Variants in ERG observed in about 807,000 individuals in gnomAD.
ERG encodes the protein ETS transcription factor ERG.
ERG carries 9 observed loss-of-function variants against 55.3 expected under a neutral mutation model. The ratio of observed to expected loss-of-function variants is 0.16; its 90% CI spans 0.10 to 0.28. The LOEUF (loss-of-function observed/expected upper bound fraction) is 0.28. Among genes scored for constraint, ERG ranks in the 10% least tolerant of loss-of-function variants. The probability of loss-of-function intolerance (pLI) is 1.00; values close to 1 mark genes in which losing one functional copy is unlikely to be tolerated. For missense variants in ERG, 434 were observed against 631.6 expected (o/e 0.69, Z 3.35); for synonymous variants, 223 against 237.3 (o/e 0.94, Z 0.55).
rs553102215 is a variant in ERG at position 38,458,877 on chromosome 21, G to C, written c.19-13256C>G. ...ACACTGTCCTGCCACGATTAGGAGT[G>C]AGCTTTTTGGGGTTCCCTCAAACAT... On this transcript the variant is annotated intron_variant, in intron 1 of 9. Transcript: ENST00000288319. 2.6e-5 allele frequency among the ~76,000 whole-genome samples: 4 copies of C among 152,290 alleles called. No homozygotes were observed. In the South Asian group the frequency reaches 6.2e-4, roughly 24 times the overall value.
At chr21:38,368,550 T>G in the ERG span, among the ~76,000 whole-genome samples, 1 of 152,180 alleles carries the variant, frequency 6.6e-6, no homozygotes, top group East Asian at 1.9e-4. Context: ...ACTCCAACAC[T>G]GGGGATTACA....
At chr21:38,389,978 TTAA>T (rs1478092833) in intron 9 of ERG, among the ~76,000 whole-genome samples, 12 of 152,246 alleles carry the variant, frequency 7.9e-5, no homozygotes, top group Non-Finnish European at 1.5e-4. Flanking sequence ...TGATTAAATC[TTAA>T]TTATTCCATT....
At chr21:38,608,928 T>C (rs1024567254) in intron 1 of ERG, among the ~76,000 whole-genome samples, 3 of 152,186 alleles carry the variant, frequency 2.0e-5, no homozygotes, top group African/African-American at 7.2e-5. Flanking sequence ...ACAGGATGTT[T>C]TGAAATACTC....
intron 2 of ERG, among the ~76,000 whole-genome samples, chr21:38,572,284 C>T (rs1235459099): frequency 2.0e-5 from 3 of 146,518 alleles, no homozygotes; most frequent in Admixed American, 6.9e-5. Context: ...AGGAGAATGG[C>T]GGGAACCCAG....
At chr21:38,588,975 CCT>C (rs946096317), upstream of ERG, among the ~76,000 whole-genome samples, 1 of 152,134 alleles carries the variant, frequency 6.6e-6, no homozygotes, top group African/African-American at 2.4e-5. Context: ...AAGCAATCCT[CCT>C]CTCTCAGCCT....
At chr21:38,475,272 T>C (rs1328327049) in intron 1 of ERG, among the ~76,000 whole-genome samples, 1 of 152,146 alleles carries the variant, frequency 6.6e-6, no homozygotes, top group African/African-American at 2.4e-5. Context: ...GGAAGCTAAA[T>C]AATTTCAGTT....
At position 38,460,112 on chromosome 21, in the gene ERG, A is replaced by G. The variant is rs1052067781; in HGVS notation, c.19-14491T>C. Among the ~76,000 whole-genome samples the G allele has an allele frequency of 3.3e-5, 5 of 152,184 alleles. No homozygotes were observed. Among genetic ancestry groups the G allele is most frequent in the African/African-American group, 1.2e-4 (5 of 41,438 alleles). ...TGTGAGCCCCCATGCATTCATGAAG[A>G]ATAGGCCTTCCAGCCTTGGCAACAG... On this transcript the variant is annotated intron_variant, in intron 1 of 9. Transcript: ENST00000288319. This position sits in a 1 kb window ranked among gnomAD's most constrained non-coding sequence, Gnocchi z 5.0.
rs575418939 is a variant in ERG, at chr21:38,429,393, A to C, written c.237-5832T>G. Among the ~76,000 whole-genome samples the C allele has an allele frequency of 1.6e-4, 5 of 31,324 alleles. 1 individual carries two copies. Among genetic ancestry groups the C allele is most frequent in the Non-Finnish European group, 6.4e-4 (5 of 7,830 alleles). 20.5% of individuals were successfully genotyped at this position (31,324 alleles called of 152,430 possible). On this transcript the variant is annotated intron_variant, in intron 2 of 9. Transcript: ENST00000288319. ...TACACATATACATATATATGTACAC[A>C]TATACACATGTACATACGCACATAT... is the stretch of plus-strand genomic sequence containing the variant.
chr21:38,641,729 TGA>T (rs1491554407), intron 1 of ERG, among the ~76,000 whole-genome samples: 1 of 144,586 alleles, frequency 6.9e-6, no homozygotes, highest in African/African-American at 2.5e-5. Flanking sequence ...AAAATTAGTG[TGA>T]AAAAAAAAAC....
intron 3 of ERG, among the ~76,000 whole-genome samples, chr21:38,419,151 T>G (rs542711346): frequency 1.1e-3 from 167 of 152,128 alleles, no homozygotes; most frequent in African/African-American, 3.6e-3. Flanking sequence ...TTACAGATAC[T>G]CGCACCAAAT....
At chr21:38,560,452 C>T (rs2059886073) in intron 2 of ERG, among the ~76,000 whole-genome samples, 1 of 152,128 alleles carries the variant, frequency 6.6e-6, no homozygotes, top group Non-Finnish European at 1.5e-5. Context: ...CAACCCGGGG[C>T]CCCTCCAAAG....
intron 3 of ERG, among the ~76,000 whole-genome samples, chr21:38,408,249 G>A (rs1406170731): frequency 6.6e-6 from 1 of 152,144 alleles, no homozygotes; most frequent in Non-Finnish European, 1.5e-5. Flanking sequence ...GTTTGCAGGG[G>A]AAAAACCCAG....
rs144130741 is a variant in ERG at position 38,613,572 on chromosome 21, C to T, written c.-149-28627G>A. Among the ~76,000 whole-genome samples, 156 of 152,336 alleles carry T rather than the reference C, an allele frequency of 1.0e-3. 4 individuals carry two copies. The East Asian group carries it at 0.024, about 23-fold the overall frequency. ...GACATCAGCAAATGACAGCAGGTAA[C>T]GCCTGCAGACTGGTGCTCGCCGCTC... On this transcript the variant is annotated intron_variant, in intron 1 of 10. Coordinates refer to the ERG transcript ENST00000398910.
chr21:38,655,362 T>C lies in ERG; in HGVS notation c.-150+6296A>G, dbSNP rs556459051. On this transcript the variant is annotated intron_variant, in intron 1 of 10. Transcript: ENST00000398910. Reference sequence around the variant, plus strand: ...GAGGTGGGTCCAGGGAGGTATCCCGTGTTTCTGAAATTCCTGCTTTGCCTG... The same window carrying C: ...GAGGTGGGTCCAGGGAGGTATCCCGCGTTTCTGAAATTCCTGCTTTGCCTG... Among the ~76,000 whole-genome samples, 114 of 152,254 alleles carry C rather than the reference T, an allele frequency of 7.5e-4. 1 individual carries two copies. Among genetic ancestry groups the C allele is most frequent in the Middle Eastern group, 3.4e-3 (1 of 294 alleles).
chr21:38,474,048 T>C (rs2059164935), intron 1 of ERG: 1 of 152,088 alleles, frequency 6.6e-6, no homozygotes, highest in Non-Finnish European at 1.5e-5. Flanking sequence ...TTAAGGAGCG[T>C]TTACTTCCCA....
At chr21:38,432,036 G>C (rs181949427) in intron 2 of ERG, among the ~76,000 whole-genome samples, 89 of 152,288 alleles carry the variant, frequency 5.8e-4, no homozygotes, top group African/African-American at 2.1e-3. Context: ...AAAACCTTGA[G>C]AGATGCAGTG....
the ERG span, among the ~76,000 whole-genome samples, chr21:38,368,494 T>G: frequency 6.6e-6 from 1 of 152,170 alleles, no homozygotes; most frequent in African/African-American, 2.4e-5. Flanking sequence ...ATGAAAAAAT[T>G]TCTTTTTTCT....
chr21:38,504,783 T>C (rs959539628), intron 2 of ERG, among the ~76,000 whole-genome samples: 1 of 152,242 alleles, frequency 6.6e-6, no homozygotes, highest in Non-Finnish European at 1.5e-5. Context: ...TGAGAATTTA[T>C]CCCAGGTTGT....
intron 9 of ERG, among the ~76,000 whole-genome samples, chr21:38,384,323 C>A (rs1284623935): frequency 6.6e-6 from 1 of 152,256 alleles, no homozygotes; most frequent in African/African-American, 2.4e-5. Context: ...TTCCTTAGCG[C>A]TGCCCCTGCA....
Sources: allele counts gnomAD v4.1 joint callset (sites outside exome capture counted in the v4.1 genomes callset), GRCh38; gene constraint gnomAD v4.1.1; non-coding constraint Gnocchi (gnomAD v3.1); transcripts MANE v1.5; gene names NCBI Gene and HGNC (gene_info 2026-07-23, HGNC 2026-07-21).